Variants in OCA2 observed in about 807,000 individuals in gnomAD.
The protein encoded by OCA2 is P protein.
In OCA2, 77 loss-of-function variants were observed where a neutral mutation model predicts 100.2. The ratio of observed to expected loss-of-function variants is 0.77; its 90% CI spans 0.64 to 0.93. The LOEUF (loss-of-function observed/expected upper bound fraction) is 0.93, where lower values mean the gene tolerates loss of function less well. OCA2 is among the 40% of genes least tolerant of loss of function. OCA2 has a pLI of 0.00. For synonymous variants in OCA2, 432 were observed against 439.2 expected, an observed-to-expected ratio of 0.98 and a Z score of 0.21; for missense variants, 1,062 against 1,089.1, an observed-to-expected ratio of 0.98 and a Z score of 0.35.
chr15:27,738,130 A>C, the OCA2 span, among the ~76,000 whole-genome samples: 1 of 152,196 alleles, frequency 6.6e-6, no homozygotes, highest in African/African-American at 2.4e-5. Flanking sequence ...TGCTCACTCT[A>C]GGGCAGAGAA....
intron 23 of OCA2, among the ~76,000 whole-genome samples, chr15:27,783,530 G>A (rs1381437321): frequency 6.6e-6 from 1 of 152,182 alleles, no homozygotes; most frequent in Non-Finnish European, 1.5e-5. Context: ...ATGAAGAGGG[G>A]GAGGGACCTG....
rs370691529 is a variant in OCA2 at position 27,755,259 on chromosome 15, T to C, written c.*129A>G. Reference sequence around the variant, plus strand: ...GTGTTAGTGTCAAGGTCTATTCCACTGTGTCTCTGTAGCATCTCCAGGGTA... The same window carrying C: ...GTGTTAGTGTCAAGGTCTATTCCACCGTGTCTCTGTAGCATCTCCAGGGTA... On this transcript the variant is annotated 3_prime_UTR_variant, in exon 24 of 24. Coordinates refer to ENST00000354638, the MANE Select transcript of OCA2 (RefSeq NM_000275.3). 224 of 711,064 alleles carry C rather than the reference T, an allele frequency of 3.2e-4. No individual in the cohort carries two copies. The African/African-American group carries it at 3.3e-3, about 10-fold the overall frequency. 44.0% of individuals were successfully genotyped at this position (711,064 alleles called of 1,614,324 possible). A position where few individuals can be genotyped will look rare whatever the true frequency, so the allele number is the denominator to read the frequency against.
intron 14 of OCA2, among the ~76,000 whole-genome samples, 194 bp downstream of exon 14, chr15:27,983,151 C>A (rs1343221333): frequency 6.6e-6 from 1 of 152,166 alleles, no homozygotes; most frequent in Admixed American, 6.6e-5. Context: ...AGTATGAAGT[C>A]AATTCAAGCC....
Position 27,989,613 on chromosome 15 carries a change from C to T in OCA2, c.1170G>A (p.Leu390=). The change falls in exon 11 of 24, where the codon CTG becomes CTA. Residue 390 remains leucine (L), a synonymous_variant. Coordinates refer to ENST00000354638, the MANE Select transcript of OCA2 (RefSeq NM_000275.3). ...GAGCTGTAATTACCATGCCAAACAG[C>T]AGGGCCAGCGTCTCAAAATCAATCC... ...VEWIDFETLA[L]LFGMMILVAI... is the part of the protein sequence containing the mutation. 6.2e-7 allele frequency: 1 copy of T among 1,614,104 alleles called. No individual in the cohort carries two copies. The highest frequency in any genetic ancestry group is 8.5e-7 in the Non-Finnish European group (1 of 1,179,970).
intron 21 of OCA2, among the ~76,000 whole-genome samples, chr15:27,869,226 C>A (rs2036447122): frequency 6.6e-6 from 1 of 152,232 alleles, no homozygotes; most frequent in Non-Finnish European, 1.5e-5. Context: ...GTGGCTTCTG[C>A]CCCTGTGGAC....
intron 2 of OCA2, among the ~76,000 whole-genome samples, chr15:28,072,535 A>G (rs1414976846): frequency 6.9e-6 from 1 of 145,640 alleles, no homozygotes; most frequent in Non-Finnish European, 1.5e-5. Context: ...GCTTGCAGTG[A>G]GCTGAGATCG....
At chr15:27,894,833 C>T (rs746524253) in intron 19 of OCA2, among the ~76,000 whole-genome samples, 2 of 152,162 alleles carry the variant, frequency 1.3e-5, no homozygotes, top group African/African-American at 2.4e-5. Flanking sequence ...TGGTCCCAAC[C>T]CAAAAGTCAT....
Position 27,901,286 on chromosome 15 carries a change from CT to C in OCA2, c.2079+24840del, listed in dbSNP as rs10714643. ...CCCTCATTGCCCTTTAGTCCTGCCC[CT>C]GGTCTTCTCCCCAGCCTTCTCCCCA... On this transcript the variant is annotated intron_variant, in intron 19 of 23. Coordinates refer to ENST00000354638, the MANE Select transcript of OCA2 (RefSeq NM_000275.3). Among the ~76,000 whole-genome samples the C allele has an allele frequency of 3.7e-3, 565 of 152,354 alleles. 3 individuals are homozygous for C. The highest frequency in any genetic ancestry group is 0.013 in the African/African-American group (536 of 41,592).
At position 27,983,409 on chromosome 15, in the gene OCA2, G is replaced by C; in HGVS notation, c.1439C>G (p.Ala480Gly). The C allele has an allele frequency of 1.2e-6, 2 of 1,614,202 alleles. No homozygotes were observed. The highest frequency in any genetic ancestry group is 1.7e-6 in the Non-Finnish European group (2 of 1,180,036). Residue 480 changes from alanine to glycine, a missense_variant, in exon 14 of 24, where the codon GCT becomes GGT. Ala to Gly is a moderately conservative substitution (Grantham distance 60). Transcript: ENST00000354638. ...AEVIFTNIGGAATAIGDPPNV... is the reference protein window; with the variant it reads ...AEVIFTNIGGGATAIGDPPNV... ...TGGAGGGTCCCCGATGGCAGTGGCA[G>C]CTCCTCCAATGTTTGTGAAGATCAC...
At chr15:27,813,957 T>A (rs1346373245) in intron 23 of OCA2, among the ~76,000 whole-genome samples, 1 of 152,234 alleles carries the variant, frequency 6.6e-6, no homozygotes, top group Non-Finnish European at 1.5e-5. Flanking sequence ...ATGTGGTAAT[T>A]TGACACATTC....
At chr15:28,051,595 C>CT (rs11292828) in intron 2 of OCA2, among the ~76,000 whole-genome samples, 2,488 of 82,496 alleles carry the variant, frequency 0.03, 234 homozygotes, top group Non-Finnish European at 0.04. Context: ...CCTGGCCTTC[C>CT]TTTTTTTTTT....
At position 27,957,887 on chromosome 15, in the gene OCA2, T is replaced by C. The variant is rs1170374945; in HGVS notation, c.1637-152A>G. ...GGGTCACCCAGAGCTTCTCAGCACC[T>C]GAGCTATTGCAATGGAGCCCAGACG... On this transcript the variant is annotated intron_variant, in intron 15 of 23. Transcript: ENST00000354638. This position sits in a 1 kb window ranked among gnomAD's most constrained non-coding sequence, Gnocchi z 4.3. The C allele has an allele frequency of 3.5e-6, 3 of 851,886 alleles. No homozygotes were observed. Among genetic ancestry groups the C allele is most frequent in the Non-Finnish European group, 5.8e-6 (3 of 519,504 alleles). 52.8% of individuals were successfully genotyped at this position (851,886 alleles called of 1,614,324 possible). A position where few individuals can be genotyped will look rare whatever the true frequency, so the allele number is the denominator to read the frequency against.
intron 23 of OCA2, among the ~76,000 whole-genome samples, chr15:27,777,568 G>T (rs1220545620): frequency 6.6e-6 from 1 of 152,208 alleles, no homozygotes; most frequent in African/African-American, 2.4e-5. Context: ...TAACAGAAAT[G>T]CTGTTTGGCT....
intron 23 of OCA2, among the ~76,000 whole-genome samples, chr15:27,792,172 G>A (rs148850333): frequency 2.4e-4 from 37 of 152,322 alleles, no homozygotes; most frequent in African/African-American, 8.4e-4. Context: ...CCTTATATGG[G>A]CTTAAAGTAG....
intron 18 of OCA2, among the ~76,000 whole-genome samples, chr15:27,927,039 C>CA (rs1325762427): frequency 6.6e-6 from 1 of 152,218 alleles, no homozygotes; most frequent in East Asian, 1.9e-4. Context: ...CCTGTAATCC[C>CA]AGCACTTTGG....
Position 27,957,469 on chromosome 15 carries a change from G to C in OCA2, c.1784+119C>G. On this transcript the variant is annotated intron_variant, in intron 16 of 23. Coordinates refer to ENST00000354638, the MANE Select transcript of OCA2 (RefSeq NM_000275.3). This position sits in a 1 kb window ranked among gnomAD's most constrained non-coding sequence, Gnocchi z 4.3. ...GATAAAATGTACTATAAGAGGCTTA[G>C]CACAGTGTGCGTCACCTAAATATCA... 8.2e-7 allele frequency: 1 copy of C among 1,214,520 alleles called. No homozygotes were observed. The highest frequency in any genetic ancestry group is 1.2e-5 in the South Asian group (1 of 81,082). 75.2% of individuals were successfully genotyped at this position (1,214,520 alleles called of 1,614,324 possible). A position where few individuals can be genotyped will look rare whatever the true frequency, so the allele number is the denominator to read the frequency against.
At position 27,983,325 on chromosome 15, in the gene OCA2, C is replaced by G; in HGVS notation, c.1503+20G>C. On this transcript the variant is annotated intron_variant, in intron 14 of 23. Transcript: ENST00000354638. The stretch of plus-strand genomic sequence containing the variant: ...GAGGTGTGCGTTTACTGGAAGCAAC[C>G]CTAGCATGCTGGTACGTACCATCTT... 1 of 1,613,968 alleles carries G rather than the reference C, an allele frequency of 6.2e-7. No individual in the cohort carries two copies. Among genetic ancestry groups the G allele is most frequent in the Non-Finnish European group, 8.5e-7 (1 of 1,179,992 alleles).
At chr15:27,926,969 T>A (rs1335262727) in intron 18 of OCA2, among the ~76,000 whole-genome samples, 1 of 152,090 alleles carries the variant, frequency 6.6e-6, no homozygotes, top group Non-Finnish European at 1.5e-5. Context: ...GACAAAAAAA[T>A]TAATATTCAG....
At chr15:28,031,070 A>G (rs1352063968) in intron 3 of OCA2, among the ~76,000 whole-genome samples, 1 of 152,206 alleles carries the variant, frequency 6.6e-6, no homozygotes, top group Admixed American at 6.5e-5. Flanking sequence ...GGAATGTCAA[A>G]TATACTCTTT....
Sources: allele counts gnomAD v4.1 joint callset (sites outside exome capture counted in the v4.1 genomes callset), GRCh38; gene constraint gnomAD v4.1.1; non-coding constraint Gnocchi (gnomAD v3.1); transcripts MANE v1.5; gene names NCBI Gene and HGNC (gene_info 2026-07-23, HGNC 2026-07-21).